GNAL: variants seen among roughly 807,000 people sequenced by gnomAD.
GNAL encodes the protein G protein subunit alpha L.
Under a neutral mutation model 55.1 loss-of-function variants are expected in GNAL, and 18 were observed. The ratio of observed to expected loss-of-function variants is 0.33; its 90% confidence interval spans 0.23 to 0.48. The LOEUF is 0.48. Among genes scored for constraint, GNAL ranks in the 20% least tolerant of loss-of-function variants. The probability of loss-of-function intolerance (pLI) is 0.99; values close to 1 mark genes in which losing one functional copy is unlikely to be tolerated. For missense variants in GNAL, 412 were observed against 614.1 expected, an observed-to-expected ratio of 0.67 and a Z score of 3.48; for synonymous variants, 253 against 237.0, an observed-to-expected ratio of 1.07 and a Z score of -0.62.
chr18:11,790,329 T>C (rs2034193140), intron 4 of GNAL, among the ~76,000 whole-genome samples: 1 of 151,778 alleles, frequency 6.6e-6, no homozygotes, highest in African/African-American at 2.4e-5. Flanking sequence ...TCCGACACTC[T>C]GAGGAAGAAA....
intron 4 of GNAL, among the ~76,000 whole-genome samples, chr18:11,787,798 C>A (rs1417300198): frequency 6.6e-6 from 1 of 150,962 alleles, no homozygotes; most frequent in African/African-American, 2.4e-5. Flanking sequence ...GGCATGAACC[C>A]GAGAGGTGGA....
At chr18:11,709,774 AT>A (rs906270536) in intron 1 of GNAL, among the ~76,000 whole-genome samples, 1 of 152,090 alleles carries the variant, frequency 6.6e-6, no homozygotes, top group African/African-American at 2.4e-5. Flanking sequence ...TTCCTTTTGA[AT>A]TTTGATGCTT....
intron 5 of GNAL, among the ~76,000 whole-genome samples, chr18:11,860,549 T>C (rs2036108753): frequency 6.6e-6 from 1 of 152,168 alleles, no homozygotes; most frequent in African/African-American, 2.4e-5. Context: ...ATTTAATATT[T>C]TTACATGCAC....
At chr18:11,847,719 T>A (rs1182073976) in intron 5 of GNAL, among the ~76,000 whole-genome samples, 1 of 152,168 alleles carries the variant, frequency 6.6e-6, no homozygotes, top group Non-Finnish European at 1.5e-5. Context: ...ATTCCAGTCA[T>A]TATAAACTGT....
chr18:11,769,171 T>G (rs1297052006), intron 4 of GNAL, among the ~76,000 whole-genome samples: 1 of 111,642 alleles, frequency 9.0e-6, no homozygotes, highest in Admixed American at 8.9e-5. Flanking sequence ...ATGTAATATA[T>G]ATTATAATAT....
intron 5 of GNAL, chr18:11,852,255 A>G: frequency 2.1e-6 from 2 of 957,950 alleles, no homozygotes; most frequent in East Asian, 2.7e-5. Context: ...AGCCCCCTCC[A>G]CATAAATTAA....
chr18:11,794,141 A>G (rs1268313319), intron 4 of GNAL, among the ~76,000 whole-genome samples: 1 of 152,210 alleles, frequency 6.6e-6, no homozygotes, highest in Non-Finnish European at 1.5e-5. Context: ...ACCCTCATGC[A>G]TTGCTGCTGG....
Position 11,853,624 on chromosome 18 carries a change from A to G in GNAL, c.723-8771A>G, listed in dbSNP as rs900563913. On this transcript the variant is annotated intron_variant, in intron 5 of 11. Transcript: ENST00000334049. The stretch of plus-strand genomic sequence containing the variant: ...TGTTTCCCAGTGTAAATGAGTAAGG[A>G]AAAAAAAAGTGTAACAGGTGCGTGC... 4.2e-5 allele frequency: 7 copies of G among 166,390 alleles called. No individual in the cohort carries two copies. The South Asian group carries it at 1.5e-3, about 35-fold the overall frequency. 10.3% of individuals were successfully genotyped at this position (166,390 alleles called of 1,614,324 possible).
At chr18:11,733,639 C>G (rs2032392777) in intron 1 of GNAL, among the ~76,000 whole-genome samples, 1 of 152,134 alleles carries the variant, frequency 6.6e-6, no homozygotes, top group African/African-American at 2.4e-5. Context: ...GGGTAATTCT[C>G]TAAGTGAAAT....
At chr18:11,732,989 T>C (rs556311366) in intron 1 of GNAL, among the ~76,000 whole-genome samples, 130 of 152,352 alleles carry the variant, frequency 8.5e-4, no homozygotes, top group African/African-American at 3.0e-3. Flanking sequence ...ATTAACTGAT[T>C]TGTCAGAAAT....
At chr18:11,846,973 A>G (rs1376293913) in intron 5 of GNAL, among the ~76,000 whole-genome samples, 10 of 151,810 alleles carry the variant, frequency 6.6e-5, no homozygotes, top group African/African-American at 2.4e-4. Context: ...AGAGGAAAAT[A>G]TATATATACA....
intron 1 of GNAL, among the ~76,000 whole-genome samples, chr18:11,696,610 G>A (rs745423768): frequency 2.6e-5 from 4 of 152,046 alleles, no homozygotes; most frequent in Non-Finnish European, 4.4e-5. Flanking sequence ...GTTATAGACC[G>A]TTACAGCAAT....
At chr18:11,849,641 A>C (rs2035813096) in intron 5 of GNAL, among the ~76,000 whole-genome samples, 2 of 152,192 alleles carry the variant, frequency 1.3e-5, no homozygotes, top group African/African-American at 4.8e-5. Context: ...GAGGGTGAGC[A>C]GAGTAGGGGG....
rs1049155245 is a variant in GNAL, at chr18:11,884,789, G to A, written c.*3654G>A. 3 of 1,362,650 alleles carry A rather than the reference G, an allele frequency of 2.2e-6. No individual in the cohort carries two copies. Among genetic ancestry groups the A allele is most frequent in the Non-Finnish European group, 2.9e-6 (3 of 1,034,194 alleles). The allele number at this position is 1,362,650 out of a possible 1,614,324, so 84.4% of individuals were successfully genotyped here. On this transcript the variant is annotated 3_prime_UTR_variant, in exon 12 of 12. Transcript: ENST00000334049. ...ACCAAGGGGGCCCAGCCTTCTCCCT[G>A]CACAGCTCACCCCCGACCAGCCCAG... is the stretch of plus-strand genomic sequence containing the variant.
chr18:11,837,094 C>G (rs2035513769), intron 5 of GNAL, among the ~76,000 whole-genome samples: 1 of 152,220 alleles, frequency 6.6e-6, no homozygotes, highest in Non-Finnish European at 1.5e-5. Context: ...ACTGGGATTA[C>G]AGGCACATGC....
In GNAL at chr18:11,751,366, C is replaced by A; in HGVS notation, c.377-1487C>A. 3.3e-6 allele frequency: 1 copy of A among 300,290 alleles called. No individual in the cohort carries two copies. The highest frequency in any genetic ancestry group is 4.9e-6 in the Non-Finnish European group (1 of 203,324). 18.6% of individuals were successfully genotyped at this position (300,290 alleles called of 1,614,324 possible). ...CAACGCCAAGTTCGAGGCCACAGTG[C>A]CTTCTGGAAGAGTTGTTGTGCTGCT... On this transcript the variant is annotated intron_variant, in intron 1 of 11. Coordinates refer to ENST00000334049, the MANE Select transcript of GNAL (RefSeq NM_182978.4). This position sits in a 1 kb window ranked among gnomAD's most constrained non-coding sequence, Gnocchi z 4.5.
At chr18:11,712,767 T>A (rs1397084447) in intron 1 of GNAL, among the ~76,000 whole-genome samples, 1 of 152,214 alleles carries the variant, frequency 6.6e-6, no homozygotes, top group African/African-American at 2.4e-5. Context: ...TGATTAGACC[T>A]GGTCAGGTCT....
intron 5 of GNAL, among the ~76,000 whole-genome samples, chr18:11,861,832 C>T (rs1049883627): frequency 2.0e-5 from 3 of 152,170 alleles, no homozygotes; most frequent in African/African-American, 7.2e-5. Flanking sequence ...AATATGCACA[C>T]TCACGTTCTC....
chr18:11,880,299 T>G (rs1239240378), intron 11 of GNAL, among the ~76,000 whole-genome samples: 1 of 149,214 alleles, frequency 6.7e-6, no homozygotes, highest in Non-Finnish European at 1.5e-5. Context: ...TGGGGCACAG[T>G]GGCTCATGCC....
Sources: allele counts gnomAD v4.1 joint callset (sites outside exome capture counted in the v4.1 genomes callset), GRCh38; gene constraint gnomAD v4.1.1; non-coding constraint Gnocchi (gnomAD v3.1); transcripts MANE v1.5; gene names NCBI Gene and HGNC (gene_info 2026-07-23, HGNC 2026-07-21).